The following IL1RL2 variants were observed in gnomAD, a reference collection of about 807,000 sequenced individuals.
IL1RL2 encodes interleukin-1 receptor-like 2.
IL1RL2 carries 68 observed loss-of-function variants against 66.8 expected under a neutral mutation model. The ratio of observed to expected loss-of-function variants is 1.02; its 90% CI spans 0.84 to 1.25. The LOEUF is 1.25. IL1RL2 is among the 50% of genes most tolerant of loss of function. The pLI, the probability that IL1RL2 is intolerant of heterozygous loss-of-function variation, is 0.00. For synonymous variants in IL1RL2, 305 were observed against 264.6 expected, an observed-to-expected ratio of 1.15 and a Z score of -1.48; for missense variants, 729 against 709.3, an observed-to-expected ratio of 1.03 and a Z score of -0.32.
rs376851468 is a variant in IL1RL2, at chr2:102,187,881, T to C, written c.14T>C (p.Leu5Pro). 4.0e-5 allele frequency: 64 copies of C among 1,613,982 alleles called. No individual in the cohort carries two copies. Among genetic ancestry groups the C allele is most frequent in the Middle Eastern group, 1.6e-4 (1 of 6,084 alleles). Residue 5 changes from leucine to proline, a missense_variant, in exon 2 of 12, where the codon CTG (leucine) becomes CCG (proline). Coordinates refer to ENST00000264257, the MANE Select transcript of IL1RL2 (RefSeq NM_003854.4). MWSLLLCGLSIALPL... is the reference protein window; with the variant it reads MWSLPLCGLSIALPL... Reference sequence around the variant, plus strand: ...CCCGGTTTGGGGATGTGGTCCTTGCTGCTCTGCGGGTTGTCCATCGCCCTT... The same window carrying C: ...CCCGGTTTGGGGATGTGGTCCTTGCCGCTCTGCGGGTTGTCCATCGCCCTT...
chr2:102,192,381 T>A (rs780605273), intron 4 of IL1RL2, among the ~76,000 whole-genome samples: 1 of 152,218 alleles, frequency 6.6e-6, no homozygotes, highest in Non-Finnish European at 1.5e-5. Flanking sequence ...GGCTTTTCTT[T>A]ATTTTTCTAA....
In IL1RL2 at chr2:102,235,158, AGTCACAGTG is replaced by A. The variant is rs1398477274; in HGVS notation, c.1560_1568del (p.Gln520_Cys523delinsHis). ...CGGTGGCATGGGGACTTCACGGAGCAGTCACAGTGTATGAAGACCAAGTTTTGGAAGACA... is the reference window on the plus strand; with the variant it reads ...CGGTGGCATGGGGACTTCACGGAGCATATGAAGACCAAGTTTTGGAAGACA... On this transcript the variant is annotated inframe_deletion, in exon 11 of 12. Transcript: ENST00000264257. 1 of 1,614,128 alleles carries A rather than the reference AGTCACAGTG, an allele frequency of 6.2e-7. No individual in the cohort carries two copies. Among genetic ancestry groups the A allele is most frequent in the African/African-American group, 1.3e-5 (1 of 74,948 alleles).
intron 6 of IL1RL2, among the ~76,000 whole-genome samples, chr2:102,216,019 T>A (rs1578153978): frequency 2.0e-5 from 3 of 151,922 alleles, no homozygotes; most frequent in Admixed American, 2.0e-4. Flanking sequence ...GCACAATAAT[T>A]CTCCAGTAAC....
downstream of IL1RL2, among the ~76,000 whole-genome samples, chr2:102,243,083 C>G (rs1035110446): frequency 6.6e-6 from 1 of 152,146 alleles, no homozygotes; most frequent in African/African-American, 2.4e-5. Context: ...GGTAATGACA[C>G]TGGGGAATTT....
At chr2:102,205,497 G>A (rs902485358) in intron 5 of IL1RL2, among the ~76,000 whole-genome samples, 1 of 152,146 alleles carries the variant, frequency 6.6e-6, no homozygotes, top group Non-Finnish European at 1.5e-5. Context: ...TCTTCTTCAT[G>A]TTTGAAGGTT....
chr2:102,203,886 GT>G (rs1004426774), intron 5 of IL1RL2, among the ~76,000 whole-genome samples: 1 of 151,288 alleles, frequency 6.6e-6, no homozygotes, highest in African/African-American at 2.4e-5. Flanking sequence ...GATCTTCTGT[GT>G]TTTTTTCATT....
chr2:102,222,224 C>T (rs983590328), intron 8 of IL1RL2, among the ~76,000 whole-genome samples: 6 of 152,270 alleles, frequency 3.9e-5, no homozygotes, highest in African/African-American at 4.8e-5. Flanking sequence ...CATTAATTTA[C>T]GTTGCCGTAT....
At chr2:102,196,009 G>C (rs962032267) in intron 4 of IL1RL2, among the ~76,000 whole-genome samples, 1 of 151,798 alleles carries the variant, frequency 6.6e-6, no homozygotes, top group Non-Finnish European at 1.5e-5. Flanking sequence ...CCAGCGCATC[G>C]GGCCCTTATG....
chr2:102,242,090 T>TA (rs1435875833), downstream of IL1RL2, among the ~76,000 whole-genome samples: 8 of 152,310 alleles, frequency 5.3e-5, no homozygotes, highest in African/African-American at 1.9e-4. Flanking sequence ...CTCAGACACT[T>TA]ACGCAAGTCT....
chr2:102,230,146 C>T (rs1203526607), intron 9 of IL1RL2, among the ~76,000 whole-genome samples: 1 of 152,152 alleles, frequency 6.6e-6, no homozygotes. Context: ...TCAACTCACC[C>T]AGCCCTTCAT....
In IL1RL2 at chr2:102,201,702, C is replaced by T; in HGVS notation, c.636C>T (p.Ile212=). Residue 212 remains isoleucine (I), a synonymous_variant, in exon 5 of 12, where the codon ATC becomes ATT. Coordinates refer to ENST00000264257, the MANE Select transcript of IL1RL2 (RefSeq NM_003854.4). ...AGCAGTACGAGGTTTTAAATGGCAT[C>T]ACTGTGAGCATTAGTAAGTATGCTC... ...SGKQYEVLNG[I]TVSITERAGY... The T allele has an allele frequency of 3.7e-6, 6 of 1,613,744 alleles. No homozygotes were observed. Among genetic ancestry groups the T allele is most frequent in the Non-Finnish European group, 3.4e-6 (4 of 1,179,826 alleles).
chr2:102,212,864 G>A (rs2104805881), intron 6 of IL1RL2, among the ~76,000 whole-genome samples: 1 of 152,118 alleles, frequency 6.6e-6, no homozygotes, highest in East Asian at 1.9e-4. Context: ...AGCTACTTGG[G>A]AGGCCGAGGC....
chr2:102,227,297 T>C (rs1198141630), intron 9 of IL1RL2, among the ~76,000 whole-genome samples: 1 of 152,056 alleles, frequency 6.6e-6, no homozygotes, highest in Non-Finnish European at 1.5e-5. Flanking sequence ...GAACGTTTTA[T>C]GGGCCAGCTA....
intron 2 of IL1RL2, among the ~76,000 whole-genome samples, 185 bp downstream of exon 2, chr2:102,188,110 G>T (rs1416572078): frequency 2.0e-5 from 3 of 152,224 alleles, no homozygotes; most frequent in Non-Finnish European, 4.4e-5. Context: ...GCTCAGCCCT[G>T]AATGTCGCCT....
chr2:102,231,550 C>A (rs763384859), intron 9 of IL1RL2, among the ~76,000 whole-genome samples: 8 of 142,566 alleles, frequency 5.6e-5, no homozygotes, highest in Non-Finnish European at 9.0e-5. Flanking sequence ...GGAGCGGTCC[C>A]ATGTTCATTG....
intron 5 of IL1RL2, among the ~76,000 whole-genome samples, chr2:102,211,126 A>G (rs913278901): frequency 5.9e-5 from 9 of 152,200 alleles, no homozygotes; most frequent in Non-Finnish European, 8.8e-5. Context: ...TTTGTTTGGG[A>G]CATGCTGCAT....
rs1177670447 is a variant in IL1RL2 at position 102,233,033 on chromosome 2, T to C, written c.1206T>C (p.Asp402=). ...PHKESQRHAV[D]ALVLNILPEV... ...AGGAAAGCCAGAGGCATGCCGTGGA[T>C]GCCCTGGTGTTGAATATCCTGCCCG... Residue 402 remains aspartate, a synonymous_variant, in exon 10 of 12, where the codon GAT becomes GAC. Coordinates refer to ENST00000264257, the MANE Select transcript of IL1RL2 (RefSeq NM_003854.4). The C allele has an allele frequency of 1.2e-6, 2 of 1,614,076 alleles. No homozygotes were observed. The highest frequency in any genetic ancestry group is 1.7e-6 in the Non-Finnish European group (2 of 1,180,022).
chr2:102,211,497 C>T (rs566669645), intron 5 of IL1RL2, among the ~76,000 whole-genome samples: 1 of 152,344 alleles, frequency 6.6e-6, no homozygotes, highest in East Asian at 1.9e-4. Flanking sequence ...ACAGATCCCT[C>T]ATCCAACTTT....
At chr2:102,214,439 G>A (rs915129277) in intron 6 of IL1RL2, among the ~76,000 whole-genome samples, 20 of 152,046 alleles carry the variant, frequency 1.3e-4, no homozygotes, top group Admixed American at 1.1e-3. Flanking sequence ...ATTCACAATT[G>A]CAATACAAGA....
Sources: allele counts gnomAD v4.1 joint callset (sites outside exome capture counted in the v4.1 genomes callset), GRCh38; gene constraint gnomAD v4.1.1; transcripts MANE v1.5; gene names NCBI Gene and HGNC (gene_info 2026-07-23, HGNC 2026-07-21).